USP25: variants seen among roughly 807,000 people sequenced by gnomAD.
USP25 encodes ubiquitin specific peptidase 25.
USP25 carries 85 observed loss-of-function variants against 158.5 expected under a neutral mutation model. The observed-to-expected ratio is 0.54, with a 90% CI of 0.45 to 0.64. USP25 has a LOEUF of 0.64. Ranked by LOEUF, USP25 falls within the 30% of genes least tolerant of loss-of-function variation. The pLI is 0.00. For synonymous variants in USP25, 464 were observed against 460.4 expected, an observed-to-expected ratio of 1.01 and a Z score of -0.10; for missense variants, 1,242 against 1,327.3, an observed-to-expected ratio of 0.94 and a Z score of 1.00.
chr21:15,746,170 A>G (rs1026410369), intron 1 of USP25, among the ~76,000 whole-genome samples: 6 of 152,124 alleles, frequency 3.9e-5, no homozygotes, highest in Non-Finnish European at 8.8e-5. Flanking sequence ...CTATTCTAGA[A>G]TTTTTTGTAT....
At chr21:15,752,060 G>A (rs764019582) in intron 1 of USP25, among the ~76,000 whole-genome samples, 1 of 152,108 alleles carries the variant, frequency 6.6e-6, no homozygotes, top group Admixed American at 6.5e-5. Context: ...TCAGCCTCCC[G>A]ATTACAGGGA....
chr21:15,821,647 G>A (rs9975855), intron 10 of USP25, among the ~76,000 whole-genome samples: 3,824 of 152,086 alleles, frequency 0.025, 173 homozygotes, highest in African/African-American at 0.085. Context: ...GGGCAAATGA[G>A]TCAAGGCAAT....
chr21:15,801,273 T>C (rs1424836590), intron 6 of USP25, among the ~76,000 whole-genome samples: 2 of 151,566 alleles, frequency 1.3e-5, no homozygotes, highest in Non-Finnish European at 3.0e-5. Flanking sequence ...TGTATTCTTA[T>C]TTAAAAAACA....
chr21:15,751,878 A>G (rs1030373997), intron 1 of USP25, among the ~76,000 whole-genome samples: 3 of 152,190 alleles, frequency 2.0e-5, no homozygotes, highest in African/African-American at 7.2e-5. Flanking sequence ...TCTACTCATG[A>G]TGTATTTATT....
At chr21:15,783,842 T>C (rs959605413) in intron 4 of USP25, among the ~76,000 whole-genome samples, 250 of 148,804 alleles carry the variant, frequency 1.7e-3, no homozygotes, top group African/African-American at 6.0e-3. Context: ...TGGTGGTGGG[T>C]GCCGGTAGTC....
chr21:15,828,742 G>A (rs371444294), intron 14 of USP25, among the ~76,000 whole-genome samples: 2 of 152,116 alleles, frequency 1.3e-5, no homozygotes, highest in East Asian at 1.9e-4. Flanking sequence ...AGGTTCAAGC[G>A]ATTCTCCTGC....
intron 3 of USP25, among the ~76,000 whole-genome samples, chr21:15,775,790 A>G (rs1252991941): frequency 8.6e-6 from 1 of 116,172 alleles, no homozygotes; most frequent in Non-Finnish European, 1.6e-5. Flanking sequence ...GTCTCGTGTT[A>G]GTGCATTCTA....
At chr21:15,767,448 A>G (rs1002161911) in intron 3 of USP25, among the ~76,000 whole-genome samples, 2 of 152,136 alleles carry the variant, frequency 1.3e-5, no homozygotes, top group East Asian at 1.9e-4. Flanking sequence ...ATACTCTGTT[A>G]TTTTGAAATT....
chr21:15,733,856 C>CCAAAA (rs1268238050), intron 1 of USP25, among the ~76,000 whole-genome samples: 2 of 151,914 alleles, frequency 1.3e-5, no homozygotes, highest in Non-Finnish European at 2.9e-5. Context: ...AAACAAAAAA[C>CCAAAA]CAAAACAAAA....
intron 4 of USP25, among the ~76,000 whole-genome samples, chr21:15,784,470 G>A (rs1205949811): frequency 6.6e-6 from 1 of 152,128 alleles, no homozygotes; most frequent in African/African-American, 2.4e-5. Flanking sequence ...TACTCGGGTG[G>A]CTGAGACAGG....
intron 1 of USP25, among the ~76,000 whole-genome samples, chr21:15,744,664 C>T (rs754335188): frequency 1.6e-4 from 24 of 152,060 alleles, no homozygotes; most frequent in Admixed American, 6.6e-5. Context: ...TCTCAGCTCA[C>T]GGCAGCCCCC....
intron 17 of USP25, among the ~76,000 whole-genome samples, chr21:15,834,401 T>C (rs1332860048): frequency 6.6e-6 from 1 of 152,226 alleles, no homozygotes; most frequent in African/African-American, 2.4e-5. Flanking sequence ...CTCATTTGTC[T>C]CTTTTTATAA....
At chr21:15,855,182 G>T (rs1044167326) in intron 20 of USP25, among the ~76,000 whole-genome samples, 1 of 151,712 alleles carries the variant, frequency 6.6e-6, no homozygotes, top group Non-Finnish European at 1.5e-5. Context: ...TAAAAATTTT[G>T]TCGGTATCAA....
intron 2 of USP25, among the ~76,000 whole-genome samples, chr21:15,765,658 T>G (rs529647204): frequency 1.3e-5 from 2 of 152,060 alleles, no homozygotes; most frequent in Non-Finnish European, 2.9e-5. Context: ...TTGCACTCTT[T>G]CGTATGGCAA....
chr21:15,826,458 G>A lies in USP25; in HGVS notation c.1466+93G>A. 1.4e-6 allele frequency: 2 copies of A among 1,439,542 alleles called. No homozygotes were observed. The highest frequency in any genetic ancestry group is 1.4e-5 in the African/African-American group (1 of 71,022). The allele number at this position is 1,439,542 out of a possible 1,614,324, so 89.2% of individuals were successfully genotyped here. A position where few individuals can be genotyped will look rare whatever the true frequency, so the allele number is the denominator to read the frequency against. On this transcript the variant is annotated intron_variant, in intron 13 of 25. Transcript: ENST00000400183. The surrounding 1 kb of genome is among the most constrained non-coding windows in gnomAD (Gnocchi z 4.8). ...TAAAGACAGTTTCTATAAAATGTAT[G>A]CTTTGATTTACTTCAGTGAACTCCT...
chr21:15,841,692 G>A (rs1161322896), intron 17 of USP25, among the ~76,000 whole-genome samples: 1 of 152,098 alleles, frequency 6.6e-6, no homozygotes, highest in African/African-American at 2.4e-5. Flanking sequence ...TTGGTTAGTG[G>A]TGTTCTCCAC....
At chr21:15,803,470 C>T (rs2036228742) in intron 6 of USP25, among the ~76,000 whole-genome samples, 1 of 151,692 alleles carries the variant, frequency 6.6e-6, no homozygotes, top group Admixed American at 6.6e-5. Flanking sequence ...AATCAGTATA[C>T]TTCACCATAT....
intron 3 of USP25, among the ~76,000 whole-genome samples, chr21:15,772,253 A>G (rs2823481): frequency 0.17 from 26,335 of 152,192 alleles, 2,308 homozygotes; most frequent in Non-Finnish European, 0.18. Flanking sequence ...AGTTTTACTC[A>G]TGGTATTCCT....
intron 17 of USP25, among the ~76,000 whole-genome samples, chr21:15,837,443 TGA>T (rs1156382731): frequency 2.0e-5 from 3 of 152,144 alleles, no homozygotes; most frequent in African/African-American, 7.2e-5. Flanking sequence ...TTTTTTTTTC[TGA>T]GTGTGAACAG....
Sources: allele counts gnomAD v4.1 joint callset (sites outside exome capture counted in the v4.1 genomes callset), GRCh38; gene constraint gnomAD v4.1.1; non-coding constraint Gnocchi (gnomAD v3.1); transcripts MANE v1.5; gene names NCBI Gene and HGNC (gene_info 2026-07-23, HGNC 2026-07-21).